Variants in VAV3 observed in about 807,000 individuals in gnomAD.
VAV3 encodes the protein guanine nucleotide exchange factor VAV3.
In VAV3, 94 loss-of-function variants were observed where a neutral mutation model predicts 131.2. The ratio of observed to expected loss-of-function variants is 0.72; its 90% CI spans 0.61 to 0.85. The LOEUF (loss-of-function observed/expected upper bound fraction) is 0.85. VAV3 is among the 40% of genes least tolerant of loss of function. The pLI is 0.00. For missense variants in VAV3, 939 were observed against 1,002.7 expected, an observed-to-expected ratio of 0.94 and a Z score of 0.86; for synonymous variants, 349 against 342.0, an observed-to-expected ratio of 1.02 and a Z score of -0.22.
intron 1 of VAV3, among the ~76,000 whole-genome samples, chr1:107,891,838 CAAAAAAAAAAA>C (rs35693360): frequency 3.6e-4 from 10 of 27,926 alleles, no homozygotes; most frequent in African/African-American, 9.4e-4. Flanking sequence ...GACTCCGTCT[CAAAAAAAAAAA>C]AAAAAAAAAA....
At chr1:107,628,088 C>G (rs998410993) in intron 20 of VAV3, among the ~76,000 whole-genome samples, 1 of 149,408 alleles carries the variant, frequency 6.7e-6, no homozygotes. Context: ...GAAAAGGCAA[C>G]CCAGTATTGT....
At chr1:107,947,132 G>A in intron 1 of VAV3, among the ~76,000 whole-genome samples, 1 of 152,226 alleles carries the variant, frequency 6.6e-6, no homozygotes, top group Non-Finnish European at 1.5e-5. Flanking sequence ...TGATCACAGA[G>A]AAAATGGAGA....
At chr1:107,610,774 C>T (rs1399433314) in intron 21 of VAV3, among the ~76,000 whole-genome samples, 4 of 152,134 alleles carry the variant, frequency 2.6e-5, no homozygotes, top group Non-Finnish European at 1.5e-5. Flanking sequence ...AAATAAAGTA[C>T]ATTCTATAGA....
chr1:107,610,291 G>A (rs538779623), intron 21 of VAV3, among the ~76,000 whole-genome samples: 3 of 152,132 alleles, frequency 2.0e-5, no homozygotes, highest in East Asian at 3.9e-4. Flanking sequence ...AAGTGAAAAC[G>A]TTATTAAGAA....
intron 2 of VAV3, among the ~76,000 whole-genome samples, chr1:107,817,970 A>G (rs1282851593): frequency 6.6e-6 from 1 of 152,316 alleles, no homozygotes; most frequent in East Asian, 1.9e-4. Context: ...CCACCTCCAC[A>G]AGCTGTAGAC....
intron 2 of VAV3, chr1:107,862,681 T>G (rs1206630314): frequency 6.6e-6 from 1 of 151,596 alleles, no homozygotes; most frequent in Non-Finnish European, 1.5e-5. Context: ...AACTACATCT[T>G]ACCCTTAAGC....
intron 24 of VAV3, 110 bp downstream of exon 24, chr1:107,602,287 T>G: frequency 1.5e-6 from 1 of 686,490 alleles, no homozygotes; most frequent in Non-Finnish European, 2.3e-6. Context: ...TGATTATCTT[T>G]AAATAACTTT....
At chr1:107,646,070 G>C (rs1215523538) in intron 19 of VAV3, among the ~76,000 whole-genome samples, 1 of 151,970 alleles carries the variant, frequency 6.6e-6, no homozygotes, top group African/African-American at 2.4e-5. Context: ...TTCAAAATTT[G>C]TTCAGGCTTA....
At chr1:107,884,738 C>G (rs147078178) in intron 1 of VAV3, among the ~76,000 whole-genome samples, 42 of 151,884 alleles carry the variant, frequency 2.8e-4, no homozygotes, top group African/African-American at 1.0e-3. Context: ...GCATAAGCAT[C>G]ATGCCTGGCC....
chr1:107,823,528 A>G (rs1225852004), intron 2 of VAV3, among the ~76,000 whole-genome samples: 5 of 152,122 alleles, frequency 3.3e-5, no homozygotes, highest in Non-Finnish European at 7.4e-5. Context: ...ATTAGAATAG[A>G]GCCTGTGGAA....
intron 25 of VAV3, among the ~76,000 whole-genome samples, chr1:107,577,238 T>G (rs764773483): frequency 1.3e-5 from 2 of 152,216 alleles, no homozygotes; most frequent in Non-Finnish European, 1.5e-5. Flanking sequence ...CCTTTACATA[T>G]GAGAAAAATC....
intron 15 of VAV3, among the ~76,000 whole-genome samples, chr1:107,730,055 A>G (rs1662123974): frequency 3.3e-5 from 5 of 152,060 alleles, no homozygotes; most frequent in African/African-American, 1.2e-4. Flanking sequence ...AAAAATTTGA[A>G]CTCCCAAACT....
chr1:107,890,971 G>T (rs1434074643), intron 1 of VAV3, among the ~76,000 whole-genome samples: 1 of 149,550 alleles, frequency 6.7e-6, no homozygotes, highest in Non-Finnish European at 1.5e-5. Flanking sequence ...TTATTATTTT[G>T]GTTTTTTTAA....
intron 24 of VAV3, among the ~76,000 whole-genome samples, chr1:107,597,241 A>G (rs1415499508): frequency 5.4e-5 from 8 of 148,750 alleles, no homozygotes; most frequent in African/African-American, 2.0e-4. Context: ...AAAAAAAAAC[A>G]GAAAAAAAAA....
At chr1:107,820,746 C>T (rs1404572708) in intron 2 of VAV3, 1 of 152,082 alleles carries the variant, frequency 6.6e-6, no homozygotes, top group Non-Finnish European at 1.5e-5. Flanking sequence ...TATGTACCAA[C>T]TATGTACTCA....
chr1:107,871,926 C>T (rs1205570807), intron 2 of VAV3, among the ~76,000 whole-genome samples: 1 of 152,182 alleles, frequency 6.6e-6, no homozygotes, highest in Non-Finnish European at 1.5e-5. Context: ...ACTTTAACCA[C>T]CACTGGGCTG....
intron 15 of VAV3, among the ~76,000 whole-genome samples, chr1:107,708,625 TG>T (rs1463734024): frequency 6.6e-6 from 1 of 152,162 alleles, no homozygotes; most frequent in Non-Finnish European, 1.5e-5. Flanking sequence ...CCCCCTAGCC[TG>T]GACCTCTTTG....
chr1:107,676,074 T>C (rs750932899), intron 19 of VAV3, among the ~76,000 whole-genome samples: 36 of 152,328 alleles, frequency 2.4e-4, no homozygotes, highest in Admixed American at 1.4e-3. Context: ...ATGAAAACTG[T>C]CTGAAACTTG....
intron 19 of VAV3, among the ~76,000 whole-genome samples, chr1:107,656,359 A>G (rs1203904270): frequency 1.3e-5 from 2 of 152,302 alleles, no homozygotes; most frequent in East Asian, 3.9e-4. Context: ...AAATAAGCCA[A>G]GCATAGAAAG....
Sources: allele counts gnomAD v4.1 joint callset (sites outside exome capture counted in the v4.1 genomes callset), GRCh38; gene constraint gnomAD v4.1.1; transcripts MANE v1.5; gene names NCBI Gene and HGNC (gene_info 2026-07-23, HGNC 2026-07-21).